ZMIZ2: variants seen among roughly 807,000 people sequenced by gnomAD.
ZMIZ2 encodes the protein zinc finger MIZ domain-containing protein 2.
In ZMIZ2, 26 loss-of-function variants were observed where a neutral mutation model predicts 93.9. The observed-to-expected ratio is 0.28, with a 90% CI of 0.20 to 0.38. The LOEUF (loss-of-function observed/expected upper bound fraction) is 0.38, where lower values mean the gene tolerates loss of function less well. ZMIZ2 is among the 10% of genes least tolerant of loss of function. The pLI is 1.00. For synonymous variants in ZMIZ2, 485 were observed against 516.4 expected (o/e 0.94, Z 0.82); for missense variants, 1,023 against 1,235.0 (o/e 0.83, Z 2.57).
Position 44,765,434 on chromosome 7 carries a change from A to C in ZMIZ2, c.2097A>C (p.Ala699=). The change falls in exon 16 of 19, where the codon GCA becomes GCC. Residue 699 remains alanine, a synonymous_variant. Transcript: ENST00000309315. This position sits in a 1 kb window ranked among gnomAD's most constrained non-coding sequence, Gnocchi z 4.1. The part of the protein sequence containing the change: ...MHIKEEPDGP[A]LKRCRTVSPA... ...TCAAGGAGGAGCCGGATGGGCCAGC[A>C]CTGAAGCGCTGCCGCACCGTGAGCC... 6.2e-7 allele frequency: 1 copy of C among 1,610,144 alleles called. No individual in the cohort carries two copies.
chr7:44,749,308 G>A (rs1789925484), intron 1 of ZMIZ2, among the ~76,000 whole-genome samples: 2 of 152,074 alleles, frequency 1.3e-5, no homozygotes, highest in Admixed American at 1.3e-4. Flanking sequence ...AGGGGTGTAA[G>A]CGGCGCTCGG....
At position 44,756,942 on chromosome 7, in the gene ZMIZ2, C is replaced by T. The variant is rs763540871; in HGVS notation, c.166-5C>T. 1.2e-6 allele frequency: 2 copies of T among 1,609,308 alleles called. No homozygotes were observed. Among genetic ancestry groups the T allele is most frequent in the South Asian group, 1.1e-5 (1 of 90,464 alleles). ...TTCCCTTTGGTGATTCCTGCTTCCTCATAGGTTTTGGGGAACCCCATGGGC... is the reference window on the plus strand; with the variant it reads ...TTCCCTTTGGTGATTCCTGCTTCCTTATAGGTTTTGGGGAACCCCATGGGC... On this transcript the variant is annotated splice_polypyrimidine_tract_variant and splice_region_variant and intron_variant, in intron 3 of 18. Coordinates refer to ENST00000309315, the MANE Select transcript of ZMIZ2 (RefSeq NM_031449.4).
Position 44,763,500 on chromosome 7 carries a change from GT to G in ZMIZ2, c.1860+88del. The G allele has an allele frequency of 6.5e-7, 1 of 1,527,300 alleles. No homozygotes were observed. Among genetic ancestry groups the G allele is most frequent in the East Asian group, 2.3e-5 (1 of 42,814 alleles). 94.6% of individuals were successfully genotyped at this position (1,527,300 alleles called of 1,614,324 possible). On this transcript the variant is annotated intron_variant, in intron 13 of 18. Transcript: ENST00000309315. The surrounding 1 kb of genome is among the most constrained non-coding windows in gnomAD (Gnocchi z 5.6). Reference sequence around the variant, plus strand: ...CATCAGTGTCATTCTCTGGACAGACGTGAACTCCGAGTGCCTTGGCTGTCAG... The same window carrying G: ...CATCAGTGTCATTCTCTGGACAGACGGAACTCCGAGTGCCTTGGCTGTCAG...
chr7:44,754,568 C>T (rs560307184), intron 1 of ZMIZ2, among the ~76,000 whole-genome samples: 15 of 152,304 alleles, frequency 9.8e-5, no homozygotes, highest in African/African-American at 2.2e-4. Context: ...GCACACAGCT[C>T]GCCCTCAGAA....
Position 44,759,443 on chromosome 7 carries a change from A to C in ZMIZ2, c.976A>C (p.Thr326Pro). 1 of 1,565,778 alleles carries C rather than the reference A, an allele frequency of 6.4e-7. No homozygotes were observed. The highest frequency in any genetic ancestry group is 8.6e-7 in the Non-Finnish European group (1 of 1,156,316). The change falls in exon 7 of 19, where the codon ACG (threonine) becomes CCG (proline). Residue 326 changes from threonine to proline, a missense_variant. Physicochemically the swap from Thr to Pro is conservative, Grantham distance 38. Around this residue, in one of 3 missense-constraint regions of ZMIZ2, gnomAD observed 656 missense variants for 777.1 expected, o/e 0.84. Coordinates refer to ENST00000309315, the MANE Select transcript of ZMIZ2 (RefSeq NM_031449.4). Reference sequence around the variant, plus strand: ...CCAGTCCCTGTCCGTGCCTGGCCCCACGGGACTGCATTATAAGGTAGGGCA... The same window carrying C: ...CCAGTCCCTGTCCGTGCCTGGCCCCCCGGGACTGCATTATAAGGTAGGGCA... ...MTQSLSVPGP[T>P]GLHYKPTEQF...
At chr7:44,756,917 T>C in intron 3 of ZMIZ2, 30 bp from the exon 4 acceptor site, 2 of 1,609,962 alleles carry the variant, frequency 1.2e-6, no homozygotes, top group Non-Finnish European at 1.7e-6. Flanking sequence ...GTTTGGCTGG[T>C]TCCCTTTGGT....
At position 44,765,839 on chromosome 7, in the gene ZMIZ2, G is replaced by A; in HGVS notation, c.2242+260G>A. 9.0e-7 allele frequency: 1 copy of A among 1,105,452 alleles called. No individual in the cohort carries two copies. 68.5% of individuals were successfully genotyped at this position (1,105,452 alleles called of 1,614,324 possible). Reference sequence around the variant, plus strand: ...CTTCCTTCCCCGTTTGGATTAAGGGGCTCCTGGCTGGAACACCTCACAGGA... The same window carrying A: ...CTTCCTTCCCCGTTTGGATTAAGGGACTCCTGGCTGGAACACCTCACAGGA... On this transcript the variant is annotated intron_variant, in intron 16 of 18. Transcript: ENST00000309315. The surrounding 1 kb of genome is among the most constrained non-coding windows in gnomAD (Gnocchi z 4.1).
At position 44,765,839 on chromosome 7, in the gene ZMIZ2, G is replaced by T; in HGVS notation, c.2242+260G>T. 9.0e-7 allele frequency: 1 copy of T among 1,105,452 alleles called. No individual in the cohort carries two copies. Among genetic ancestry groups the T allele is most frequent in the Admixed American group, 3.0e-5 (1 of 33,398 alleles). The allele number at this position is 1,105,452 out of a possible 1,614,324, so 68.5% of individuals were successfully genotyped here. The stretch of plus-strand genomic sequence containing the variant: ...CTTCCTTCCCCGTTTGGATTAAGGG[G>T]CTCCTGGCTGGAACACCTCACAGGA... On this transcript the variant is annotated intron_variant, in intron 16 of 18. Coordinates refer to ENST00000309315, the MANE Select transcript of ZMIZ2 (RefSeq NM_031449.4). The surrounding 1 kb of genome is among the most constrained non-coding windows in gnomAD (Gnocchi z 4.1).
In ZMIZ2 at chr7:44,764,411, C is replaced by G. The variant is rs368104866; in HGVS notation, c.1861-8C>G. 6.2e-7 allele frequency: 1 copy of G among 1,613,968 alleles called. No homozygotes were observed. The highest frequency in any genetic ancestry group is 1.3e-5 in the African/African-American group (1 of 74,940). ...TGAGAAACTGACTTTCTTCCCATCT[C>G]TCTACAGTGCTTTGACCTGGAGTCG... On this transcript the variant is annotated splice_region_variant and splice_polypyrimidine_tract_variant and intron_variant, in intron 13 of 18. Coordinates refer to ENST00000309315, the MANE Select transcript of ZMIZ2 (RefSeq NM_031449.4).
chr7:44,758,696 A>G (rs1437745541), intron 6 of ZMIZ2, among the ~76,000 whole-genome samples: 1 of 151,690 alleles, frequency 6.6e-6, no homozygotes, highest in East Asian at 2.0e-4. Flanking sequence ...GTGGATCACG[A>G]GGTCAGGAGT....
intron 1 of ZMIZ2, among the ~76,000 whole-genome samples, chr7:44,754,096 C>T (rs1289722307): frequency 6.6e-6 from 1 of 152,218 alleles, no homozygotes; most frequent in African/African-American, 2.4e-5. Flanking sequence ...GTCCTAAAAT[C>T]TGTGTATGGC....
At chr7:44,748,629 A>C (rs1460050206), upstream of ZMIZ2, 1 of 151,784 alleles carries the variant, frequency 6.6e-6, no homozygotes, top group Non-Finnish European at 1.5e-5. Flanking sequence ...CGCGTTCAGA[A>C]AGGTGTGGAG....
Position 44,766,744 on chromosome 7 carries a change from G to C in ZMIZ2, c.2655+81G>C. 1 of 1,568,400 alleles carries C rather than the reference G, an allele frequency of 6.4e-7. No homozygotes were observed. The highest frequency in any genetic ancestry group is 8.7e-7 in the Non-Finnish European group (1 of 1,154,404). ...TGTCTGTTCCAGGTGCGTTCTGGAA[G>C]GGAAGACAGTGACCCCTCAGAGAGC... On this transcript the variant is annotated intron_variant, in intron 18 of 18. Coordinates refer to ENST00000309315, the MANE Select transcript of ZMIZ2 (RefSeq NM_031449.4). The surrounding 1 kb of genome is among the most constrained non-coding windows in gnomAD (Gnocchi z 4.4).
At chr7:44,752,584 CAAG>C (rs1434770045) in intron 1 of ZMIZ2, among the ~76,000 whole-genome samples, 1 of 152,168 alleles carries the variant, frequency 6.6e-6, no homozygotes, top group Non-Finnish European at 1.5e-5. Flanking sequence ...TTTGGTGTGT[CAAG>C]AATGCTAAAT....
At chr7:44,748,726 C>G (rs910571786), upstream of ZMIZ2, 2 of 150,528 alleles carry the variant, frequency 1.3e-5, no homozygotes, top group Middle Eastern at 3.2e-3. Flanking sequence ...CGCTTTGGGC[C>G]GCTCGGGCTC....
At chr7:44,760,107 G>T in intron 7 of ZMIZ2, 44 bp from the exon 8 acceptor site, 1 of 1,612,016 alleles carries the variant, frequency 6.2e-7, no homozygotes, top group African/African-American at 1.3e-5. Context: ...GCCCGGCAGG[G>T]GTCAGGTTGG....
intron 5 of ZMIZ2, 37 bp downstream of exon 5, chr7:44,757,598 A>T: frequency 6.4e-7 from 1 of 1,556,034 alleles, no homozygotes. Context: ...CATGGCAGCC[A>T]GCCTGAGGGC....
Position 44,763,374 on chromosome 7 carries a change from C to G in ZMIZ2, c.1821C>G (p.Ile607Met). ...SLKCPITFRR[I>M]QLPARGHDCR... ...AGTGCCCCATCACCTTCCGCAGGAT[C>G]CAGCTCCCTGCCCGAGGTCATGACT... The change falls in exon 13 of 19, where the codon ATC becomes ATG. Residue 607 changes from isoleucine to methionine, a missense_variant. Coordinates refer to ENST00000309315, the MANE Select transcript of ZMIZ2 (RefSeq NM_031449.4). The surrounding 1 kb of genome is among the most constrained non-coding windows in gnomAD (Gnocchi z 5.6). 1 of 1,614,130 alleles carries G rather than the reference C, an allele frequency of 6.2e-7. No individual in the cohort carries two copies.
rs1791666016 is a variant in ZMIZ2 at position 44,765,926 on chromosome 7, G to T, written c.2243-238G>T. ...CACACGCGTGGTGCGTTTGTTTGTG[G>T]CTGCTCCCATTCCTATAACCTCCGA... On this transcript the variant is annotated intron_variant, in intron 16 of 18. Coordinates refer to ENST00000309315, the MANE Select transcript of ZMIZ2 (RefSeq NM_031449.4). The surrounding 1 kb of genome is among the most constrained non-coding windows in gnomAD (Gnocchi z 4.1). 1 of 1,375,450 alleles carries T rather than the reference G, an allele frequency of 7.3e-7. No individual in the cohort carries two copies. The highest frequency in any genetic ancestry group is 3.5e-5 in the Admixed American group (1 of 28,890). 85.2% of individuals were successfully genotyped at this position (1,375,450 alleles called of 1,614,324 possible).
Sources: allele counts gnomAD v4.1 joint callset (sites outside exome capture counted in the v4.1 genomes callset), GRCh38; gene constraint gnomAD v4.1.1; regional missense constraint gnomAD v4.1.1; non-coding constraint Gnocchi (gnomAD v3.1); transcripts MANE v1.5; gene names NCBI Gene and HGNC (gene_info 2026-07-23, HGNC 2026-07-21).